The following TEX9 variants were observed in gnomAD, a reference collection of about 807,000 sequenced individuals.
TEX9 encodes the protein testis-expressed protein 9.
TEX9 carries 74 observed loss-of-function variants against 59.6 expected under a neutral mutation model. The ratio of observed to expected loss-of-function variants is 1.24; its 90% CI spans 1.03 to 1.51. TEX9 has a LOEUF of 1.51. Among genes scored for constraint, TEX9 ranks in the 40% most tolerant of loss-of-function variants. TEX9 has a pLI of 0.00. For synonymous variants in TEX9, 186 were observed against 152.2 expected (o/e 1.22, Z -1.64); for missense variants, 522 against 447.8 (o/e 1.17, Z -1.49).
At chr15:56,421,124 T>C (rs1596229030) in intron 10 of TEX9, among the ~76,000 whole-genome samples, 1 of 151,986 alleles carries the variant, frequency 6.6e-6, no homozygotes, top group East Asian at 1.9e-4. Flanking sequence ...GTTCTATCAA[T>C]GATCAAGAGA....
At chr15:56,393,264 TGA>T (rs2048302304) in intron 7 of TEX9, among the ~76,000 whole-genome samples, 1 of 152,160 alleles carries the variant, frequency 6.6e-6, no homozygotes, top group Non-Finnish European at 1.5e-5. Flanking sequence ...TGGAGTTACA[TGA>T]GAGGCTGGTA....
At chr15:56,396,293 A>T (rs1336478056) in intron 9 of TEX9, 1 of 152,206 alleles carries the variant, frequency 6.6e-6, no homozygotes, top group Non-Finnish European at 1.5e-5. Flanking sequence ...AAATTTTAAT[A>T]TCAAAATCAC....
intron 9 of TEX9, chr15:56,397,164 A>G: frequency 6.0e-6 from 1 of 166,868 alleles, no homozygotes; most frequent in Non-Finnish European, 1.2e-5. Flanking sequence ...AGGTGATCTC[A>G]GATGGAGATG....
At chr15:56,260,275 A>T (rs1026693304) in intron 1 of TEX9, among the ~76,000 whole-genome samples, 1 of 152,154 alleles carries the variant, frequency 6.6e-6, no homozygotes, top group African/African-American at 2.4e-5. Context: ...GATTAATGCA[A>T]GTAATGAAAA....
intron 1 of TEX9, among the ~76,000 whole-genome samples, chr15:56,318,044 CT>C (rs1311595091): frequency 6.6e-6 from 1 of 152,060 alleles, no homozygotes; most frequent in African/African-American, 2.4e-5. Context: ...TGTTTATAGT[CT>C]ATTGGTTCTA....
At chr15:56,341,356 C>T (rs548284116) in intron 1 of TEX9, among the ~76,000 whole-genome samples, 1 of 152,280 alleles carries the variant, frequency 6.6e-6, no homozygotes, top group South Asian at 2.1e-4. Flanking sequence ...TTGCACTCAA[C>T]CACAGTTGAA....
chr15:56,304,640 C>T (rs1393721285), intron 1 of TEX9, among the ~76,000 whole-genome samples: 1 of 152,126 alleles, frequency 6.6e-6, no homozygotes, highest in Non-Finnish European at 1.5e-5. Context: ...CTTTTTAATA[C>T]ATTGTTTAAT....
At chr15:56,381,827 G>C (rs7182758) in intron 3 of TEX9, among the ~76,000 whole-genome samples, 72,801 of 152,020 alleles carry the variant, frequency 0.48, 17,497 homozygotes, top group Middle Eastern at 0.6. Flanking sequence ...AGTACTGGAT[G>C]TTGCCCACAA....
chr15:56,386,185 G>A (rs933270678), intron 4 of TEX9, among the ~76,000 whole-genome samples: 12 of 151,928 alleles, frequency 7.9e-5, no homozygotes, highest in East Asian at 5.8e-4. Context: ...GCTAAAAAAC[G>A]TCCATAATCT....
At chr15:56,342,506 G>A (rs2046391225) in intron 1 of TEX9, among the ~76,000 whole-genome samples, 1 of 152,098 alleles carries the variant, frequency 6.6e-6, no homozygotes, top group African/African-American at 2.4e-5. Context: ...ATGGTTCAGG[G>A]CATTTAATAT....
chr15:56,317,262 T>C (rs540835228), intron 1 of TEX9, among the ~76,000 whole-genome samples: 40 of 152,382 alleles, frequency 2.6e-4, no homozygotes, highest in Non-Finnish European at 4.8e-4. Flanking sequence ...TCAAGTCAAA[T>C]TGACCAGTTT....
chr15:56,389,027 A>T (rs138329483), intron 5 of TEX9, among the ~76,000 whole-genome samples: 20 of 152,128 alleles, frequency 1.3e-4, no homozygotes, highest in African/African-American at 4.8e-4. Context: ...GGAGAACTAA[A>T]TTCTGTGAGT....
chr15:56,440,988 T>G (rs919997172), intron 12 of TEX9, among the ~76,000 whole-genome samples: 35 of 152,280 alleles, frequency 2.3e-4, no homozygotes, highest in African/African-American at 7.9e-4. Flanking sequence ...CTCATTAATT[T>G]TTAACCATTC....
In TEX9 at chr15:56,338,332, A is replaced by G. The variant is rs200623544; in HGVS notation, c.-106-35109A>G. ...TGACTTAAGATGCCAAGCCTATCCT[A>G]AAGGGTAATTCCCCATCCTCACATG... On this transcript the variant is annotated intron_variant, in intron 1 of 5. Coordinates refer to the TEX9 transcript ENST00000560827. Among the ~76,000 whole-genome samples, 27 of 152,328 alleles carry G rather than the reference A, an allele frequency of 1.8e-4. No homozygotes were observed. The East Asian group carries it at 4.8e-3, about 27-fold the overall frequency.
intron 12 of TEX9, among the ~76,000 whole-genome samples, chr15:56,435,487 G>C (rs529130385): frequency 1.3e-5 from 2 of 151,838 alleles, no homozygotes; most frequent in African/African-American, 4.8e-5. Context: ...TAAAACATAG[G>C]ATATCACTAG....
At chr15:56,386,070 G>A (rs533429544) in intron 4 of TEX9, among the ~76,000 whole-genome samples, 1 of 152,082 alleles carries the variant, frequency 6.6e-6, no homozygotes, top group African/African-American at 2.4e-5. Context: ...TTGGTGGCTG[G>A]ATAAACAAAT....
intron 10 of TEX9, chr15:56,421,459 A>G (rs1388016379): frequency 6.6e-6 from 1 of 151,920 alleles, no homozygotes; most frequent in Non-Finnish European, 1.5e-5. Flanking sequence ...TTTGGATTTC[A>G]GACTTTTGGA....
At chr15:56,310,185 A>G (rs2045577473) in intron 1 of TEX9, among the ~76,000 whole-genome samples, 1 of 152,164 alleles carries the variant, frequency 6.6e-6, no homozygotes, top group African/African-American at 2.4e-5. Context: ...TAATCCCGAC[A>G]CTTTGGGAGG....
intron 1 of TEX9, chr15:56,323,544 GA>G (rs2141712480): frequency 2.1e-5 from 4 of 192,490 alleles, no homozygotes; most frequent in South Asian, 1.1e-4. Context: ...GAAGCTGAAA[GA>G]AAAATGTGAA....
Sources: gnomAD v4.1 joint callset for allele counts (sites outside exome capture counted in the v4.1 genomes callset) on GRCh38, gnomAD v4.1.1 for gene constraint, MANE v1.5 for transcripts, NCBI Gene and HGNC (gene_info 2026-07-23, HGNC 2026-07-21) for gene names.